The following FEZ2 variants were observed in gnomAD, a reference collection of about 807,000 sequenced individuals.
FEZ2 encodes the protein fasciculation and elongation protein zeta-2.
Under a neutral mutation model 40.4 loss-of-function variants are expected in FEZ2, and 51 were observed. The observed-to-expected ratio is 1.26, with a 90% CI of 1.01 to 1.59. The LOEUF is 1.59. Ranked by LOEUF, FEZ2 falls within the 40% of genes most tolerant of loss-of-function variation. FEZ2 has a pLI of 0.00. For synonymous variants in FEZ2, 242 were observed against 172.0 expected, an observed-to-expected ratio of 1.41 and a Z score of -3.18; for missense variants, 640 against 438.3, an observed-to-expected ratio of 1.46 and a Z score of -4.11.
chr2:36,573,050 A>C (rs1668461604), intron 5 of FEZ2, among the ~76,000 whole-genome samples: 1 of 152,190 alleles, frequency 6.6e-6, no homozygotes, highest in Non-Finnish European at 1.5e-5. Flanking sequence ...TTGTCCGTAT[A>C]AACTTTTTCA....
chr2:36,558,412 A>C (rs1010333401), intron 6 of FEZ2, 26 bp downstream of exon 6: 1 of 1,388,558 alleles, frequency 7.2e-7, no homozygotes. Flanking sequence ...GAAATCAGGT[A>C]ATAGTTTCAT....
At chr2:36,580,774 C>T (rs1043474401) in intron 4 of FEZ2, among the ~76,000 whole-genome samples, 1 of 152,134 alleles carries the variant, frequency 6.6e-6, no homozygotes, top group Admixed American at 6.5e-5. Context: ...CAGAATGTTA[C>T]AGTATATGGT....
chr2:36,555,759 G>C lies in FEZ2; in HGVS notation c.980-11C>G. 2.0e-6 allele frequency: 3 copies of C among 1,512,278 alleles called. No homozygotes were observed. The highest frequency in any genetic ancestry group is 2.7e-6 in the Non-Finnish European group (3 of 1,111,350). The allele number at this position is 1,512,278 out of a possible 1,614,324, so 93.7% of individuals were successfully genotyped here. ...TCATGGCACGAAGAACTGCAAAATA[G>C]AAGAGGGGAAAAAAGACAACAATTA... On this transcript the variant is annotated splice_polypyrimidine_tract_variant and intron_variant, in intron 6 of 7. Transcript: ENST00000405912.
At chr2:36,557,538 T>C (rs1210447894) in intron 6 of FEZ2, 1 of 152,202 alleles carries the variant, frequency 6.6e-6, no homozygotes, top group Non-Finnish European at 1.5e-5. Flanking sequence ...CTCTTTCATT[T>C]GGTTCCCCCC....
At chr2:36,591,255 G>A (rs1306893641) in intron 1 of FEZ2, 5 of 506,642 alleles carry the variant, frequency 9.9e-6, no homozygotes, top group Non-Finnish European at 1.8e-5. Context: ...CTGCCAATAG[G>A]CAGTAGGCAA....
chr2:36,566,672 G>C (rs1035152084), intron 5 of FEZ2, among the ~76,000 whole-genome samples: 1 of 152,124 alleles, frequency 6.6e-6, no homozygotes, highest in African/African-American at 2.4e-5. Flanking sequence ...TCAGGCAAAA[G>C]TCTTAGAATC....
At chr2:36,567,753 C>G (rs1228978118) in intron 5 of FEZ2, among the ~76,000 whole-genome samples, 1 of 147,262 alleles carries the variant, frequency 6.8e-6, no homozygotes, top group Admixed American at 6.9e-5. Flanking sequence ...TAGAGCGAGA[C>G]TCTGTCTCAA....
At chr2:36,570,426 T>C (rs1668375532) in intron 5 of FEZ2, among the ~76,000 whole-genome samples, 1 of 152,186 alleles carries the variant, frequency 6.6e-6, no homozygotes, top group African/African-American at 2.4e-5. Flanking sequence ...TGTAACTTAA[T>C]ATTAATGTGG....
At position 36,596,813 on chromosome 2, in the gene FEZ2, C is replaced by T. The variant is rs191307759; in HGVS notation, c.266+1064G>A. The stretch of plus-strand genomic sequence containing the variant: ...TCAGCCTCTCCGGAGGCTCCTCTCC[C>T]CCTATATACACAACATGCTCAAGTC... On this transcript the variant is annotated intron_variant, in intron 1 of 7. Coordinates refer to ENST00000405912, the MANE Select transcript of FEZ2 (RefSeq NM_005102.3). Among the ~76,000 whole-genome samples the T allele has an allele frequency of 2.7e-3, 414 of 152,256 alleles. 4 individuals carry two copies. Among genetic ancestry groups the T allele is most frequent in the Admixed American group, 7.5e-3 (114 of 15,294 alleles).
At chr2:36,555,000 G>A (rs559878843) in intron 7 of FEZ2, among the ~76,000 whole-genome samples, 4 of 152,202 alleles carry the variant, frequency 2.6e-5, no homozygotes, top group East Asian at 3.9e-4. Flanking sequence ...ATATTTCATC[G>A]TAAAGTATTA....
chr2:36,583,513 C>G (rs1331223105), intron 2 of FEZ2, 44 bp from the exon 3 acceptor site: 2 of 1,002,162 alleles, frequency 2.0e-6, no homozygotes, highest in African/African-American at 3.2e-5. Context: ...ACATCCTCAT[C>G]AAAACAAAGT....
chr2:36,575,695 T>C (rs764521814), intron 5 of FEZ2, among the ~76,000 whole-genome samples: 7 of 152,212 alleles, frequency 4.6e-5, no homozygotes, highest in Non-Finnish European at 7.4e-5. Flanking sequence ...ATGCTCTAAA[T>C]AGCATCCCTA....
At chr2:36,588,804 C>T (rs1400425335) in intron 2 of FEZ2, among the ~76,000 whole-genome samples, 1 of 151,460 alleles carries the variant, frequency 6.6e-6, no homozygotes, top group Non-Finnish European at 1.5e-5. Context: ...TTTTAATCCA[C>T]AGTTGGCTAA....
chr2:36,556,497 G>A (rs563690819), intron 6 of FEZ2: 7 of 152,186 alleles, frequency 4.6e-5, no homozygotes, highest in Admixed American at 4.6e-4. Context: ...AAGCATCCTG[G>A]TAAAAATATT....
intron 3 of FEZ2, among the ~76,000 whole-genome samples, chr2:36,582,556 C>T (rs1252130572): frequency 1.3e-5 from 2 of 152,178 alleles, no homozygotes; most frequent in South Asian, 2.1e-4. Context: ...TCAAAACAAC[C>T]TTCCAACCTA....
intron 2 of FEZ2, among the ~76,000 whole-genome samples, chr2:36,587,450 G>A (rs149101397): frequency 1.3e-5 from 2 of 152,236 alleles, no homozygotes; most frequent in East Asian, 3.9e-4. Context: ...CTGTTTCCCT[G>A]TATAAAACTG....
intron 5 of FEZ2, chr2:36,560,795 C>T: frequency 6.2e-7 from 1 of 1,603,968 alleles, no homozygotes; most frequent in Non-Finnish European, 8.5e-7. Flanking sequence ...CTGTTTCTCT[C>T]CACCTGAATT....
chr2:36,567,081 G>A (rs1668265075), intron 5 of FEZ2, among the ~76,000 whole-genome samples: 1 of 152,136 alleles, frequency 6.6e-6, no homozygotes, highest in South Asian at 2.1e-4. Flanking sequence ...ACATTCTGAA[G>A]GGAGAGACAG....
intron 5 of FEZ2, among the ~76,000 whole-genome samples, chr2:36,575,352 T>C (rs1668538259): frequency 6.6e-6 from 1 of 152,098 alleles, no homozygotes; most frequent in Admixed American, 6.6e-5. Context: ...ACCTGGCTAA[T>C]TTTATAATTT....
Sources: allele counts gnomAD v4.1 joint callset (sites outside exome capture counted in the v4.1 genomes callset), GRCh38; gene constraint gnomAD v4.1.1; transcripts MANE v1.5; gene names NCBI Gene and HGNC (gene_info 2026-07-23, HGNC 2026-07-21).